Variants in FAM83D observed in about 807,000 individuals in gnomAD.
FAM83D encodes protein FAM83D.
Under a neutral mutation model 25.4 loss-of-function variants are expected in FAM83D, and 26 were observed. The observed-to-expected ratio is 1.02, with a 90% confidence interval of 0.75 to 1.42. The LOEUF (loss-of-function observed/expected upper bound fraction) is 1.42. Ranked by LOEUF, FAM83D falls within the 40% of genes most tolerant of loss-of-function variation. The pLI is 0.00. For synonymous variants in FAM83D, 310 were observed against 318.5 expected, an observed-to-expected ratio of 0.97 and a Z score of 0.28; for missense variants, 740 against 758.1, an observed-to-expected ratio of 0.98 and a Z score of 0.28.
chr20:38,949,264 C>T (rs746636753), intron 3 of FAM83D, among the ~76,000 whole-genome samples: 6 of 151,566 alleles, frequency 4.0e-5, no homozygotes, highest in African/African-American at 9.7e-5. Context: ...CAGATTCAAG[C>T]GATTCCTGTG....
chr20:38,930,506 A>C (rs927507340), intron 1 of FAM83D, among the ~76,000 whole-genome samples: 1 of 151,948 alleles, frequency 6.6e-6, no homozygotes, highest in South Asian at 2.1e-4. Context: ...TTTAAGACAG[A>C]GTCTTGCTCT....
chr20:38,929,460 GC>G (rs1402903064), intron 1 of FAM83D, among the ~76,000 whole-genome samples: 6 of 152,154 alleles, frequency 3.9e-5, no homozygotes, highest in African/African-American at 1.2e-4. Flanking sequence ...ATGGGGGCTG[GC>G]CCACAAGTGT....
chr20:38,940,426 C>T (rs1387346375), intron 1 of FAM83D, among the ~76,000 whole-genome samples: 2 of 152,194 alleles, frequency 1.3e-5, no homozygotes, highest in African/African-American at 4.8e-5. Context: ...CTGTCATATA[C>T]TGTCCTAAGT....
At chr20:38,937,470 C>T (rs189220298) in intron 1 of FAM83D, among the ~76,000 whole-genome samples, 5 of 152,238 alleles carry the variant, frequency 3.3e-5, no homozygotes, top group South Asian at 2.1e-4. Context: ...AGGACTCGGC[C>T]GGTTAGTGGA....
At chr20:38,945,329 C>A (rs1239466558) in intron 2 of FAM83D, among the ~76,000 whole-genome samples, 1 of 152,162 alleles carries the variant, frequency 6.6e-6, no homozygotes, top group Non-Finnish European at 1.5e-5. Context: ...GGGTCATCAC[C>A]TCCTCCAGGA....
At chr20:38,943,616 C>G in intron 2 of FAM83D, among the ~76,000 whole-genome samples, 1 of 152,208 alleles carries the variant, frequency 6.6e-6, no homozygotes, top group Non-Finnish European at 1.5e-5. Context: ...GCCTATACAA[C>G]ATAGCTAGCT....
At chr20:38,931,966 A>G (rs772481407) in intron 1 of FAM83D, among the ~76,000 whole-genome samples, 1 of 152,224 alleles carries the variant, frequency 6.6e-6, no homozygotes, top group Non-Finnish European at 1.5e-5. Context: ...CCACTCAGCA[A>G]GTATTTGTCC....
intron 1 of FAM83D, among the ~76,000 whole-genome samples, chr20:38,935,735 C>T (rs1255491362): frequency 1.1e-4 from 17 of 152,186 alleles, no homozygotes; most frequent in Admixed American, 8.5e-4. Context: ...TGTGAGCCAC[C>T]GTGCCGGGCC....
At chr20:38,934,795 G>A (rs1348719233) in intron 1 of FAM83D, among the ~76,000 whole-genome samples, 1 of 152,180 alleles carries the variant, frequency 6.6e-6, no homozygotes, top group Non-Finnish European at 1.5e-5. Flanking sequence ...AAGAAGGAAT[G>A]AGGACTAGCT....
intron 1 of FAM83D, among the ~76,000 whole-genome samples, chr20:38,934,202 A>T (rs1035076382): frequency 8.9e-6 from 1 of 111,890 alleles, no homozygotes; most frequent in Non-Finnish European, 1.9e-5. Flanking sequence ...AGCAGACAGT[A>T]ATGAAGCTGC....
chr20:38,926,717 C>A lies in FAM83D; in HGVS notation c.275C>A (p.Ser92Tyr). 2.0e-6 allele frequency: 3 copies of A among 1,521,276 alleles called. No individual in the cohort carries two copies. Among genetic ancestry groups the A allele is most frequent in the Non-Finnish European group, 2.6e-6 (3 of 1,141,314 alleles). 94.2% of individuals were successfully genotyped at this position (1,521,276 alleles called of 1,614,324 possible). Residue 92 changes from serine (S) to tyrosine (Y), a missense_variant, in exon 1 of 4, where the codon TCC (serine) becomes TAC (tyrosine). Ser to Tyr is a moderately radical substitution (Grantham distance 144, BLOSUM62 -2). Around this residue, in one of 3 missense-constraint regions of FAM83D, gnomAD observed 333 missense variants for 298.6 expected, o/e 1.12. Transcript: ENST00000619850. ...AAAAAEDSFG[S>Y]SHDCSSGTYF... is the part of the protein sequence containing the mutation. ...GCGGCGGCCGAGGACTCGTTCGGCT[C>A]CTCGCACGACTGCTCTTCGGGCACC...
intron 1 of FAM83D, among the ~76,000 whole-genome samples, chr20:38,927,134 T>C (rs929322889): frequency 2.0e-5 from 3 of 152,156 alleles, no homozygotes; most frequent in Admixed American, 6.5e-5. Context: ...TGGCAGGGGA[T>C]AGTGGGAAAG....
intron 1 of FAM83D, among the ~76,000 whole-genome samples, chr20:38,940,288 C>A (rs2085696204): frequency 6.6e-6 from 1 of 152,168 alleles, no homozygotes; most frequent in African/African-American, 2.4e-5. Flanking sequence ...AATGACTTCC[C>A]AGGAACTGGT....
Position 38,939,678 on chromosome 20 carries a change from A to G in FAM83D, c.484-2281A>G, listed in dbSNP as rs183512406. The stretch of plus-strand genomic sequence containing the variant: ...CTTAGTTTAATTGCTTAGGCTGTAT[A>G]TATCATTTTGCCTCTCTGCATCCTG... On this transcript the variant is annotated intron_variant, in intron 1 of 3. Coordinates refer to ENST00000619850, the MANE Select transcript of FAM83D (RefSeq NM_030919.3). Among the ~76,000 whole-genome samples the G allele has an allele frequency of 2.0e-5, 3 of 152,146 alleles. No individual in the cohort carries two copies. The East Asian group carries it at 5.8e-4, about 29-fold the overall frequency.
At chr20:38,936,648 C>T (rs1369392105) in intron 1 of FAM83D, among the ~76,000 whole-genome samples, 3 of 152,018 alleles carry the variant, frequency 2.0e-5, no homozygotes, top group African/African-American at 7.2e-5. Flanking sequence ...TAGATGGCTC[C>T]GGAGTCACAG....
intron 1 of FAM83D, among the ~76,000 whole-genome samples, chr20:38,928,476 G>A (rs1404814828): frequency 2.0e-5 from 3 of 152,202 alleles, no homozygotes; most frequent in African/African-American, 7.2e-5. Context: ...TTCCTTGCGG[G>A]TTCAGTGAAA....
intron 2 of FAM83D, among the ~76,000 whole-genome samples, chr20:38,943,031 T>C (rs2085709792): frequency 6.6e-6 from 1 of 151,646 alleles, no homozygotes; most frequent in Non-Finnish European, 1.5e-5. Flanking sequence ...ATGCTTTTTT[T>C]TTTTTTTTCC....
chr20:38,933,172 A>G lies in FAM83D; in HGVS notation c.483+6247A>G, dbSNP rs150807240. On this transcript the variant is annotated intron_variant, in intron 1 of 3. Coordinates refer to ENST00000619850, the MANE Select transcript of FAM83D (RefSeq NM_030919.3). ...TTTGTCCTGAGGGGCTGTCTTGTAC[A>G]TTGTAGGACGTTGAGTAGCATCCAT... Among the ~76,000 whole-genome samples, 133 of 152,308 alleles carry G rather than the reference A, an allele frequency of 8.7e-4. 1 individual carries two copies. Among genetic ancestry groups the G allele is most frequent in the Middle Eastern group, 3.4e-3 (1 of 294 alleles).
intron 1 of FAM83D, among the ~76,000 whole-genome samples, chr20:38,939,071 A>G (rs917258433): frequency 1.3e-5 from 2 of 152,166 alleles, no homozygotes; most frequent in African/African-American, 4.8e-5. Flanking sequence ...TTTTCCAGTC[A>G]TGTCCCGTGG....
Sources: gnomAD v4.1 joint callset for allele counts (sites outside exome capture counted in the v4.1 genomes callset) on GRCh38, gnomAD v4.1.1 for gene constraint, gnomAD v4.1.1 regional missense constraint, MANE v1.5 for transcripts, NCBI Gene and HGNC (gene_info 2026-07-23, HGNC 2026-07-21) for gene names.